Variants in DIAPH3 observed in about 807,000 individuals in gnomAD.
DIAPH3 encodes protein diaphanous homolog 3.
In DIAPH3, 117 loss-of-function variants were observed where a neutral mutation model predicts 144.3. The observed-to-expected ratio is 0.81, with a 90% confidence interval of 0.70 to 0.95. The LOEUF (loss-of-function observed/expected upper bound fraction) is 0.95, where lower values mean the gene tolerates loss of function less well. Among genes scored for constraint, DIAPH3 ranks in the 40% least tolerant of loss-of-function variants. The pLI, the probability that DIAPH3 is intolerant of heterozygous loss-of-function variation, is 0.00. For missense variants in DIAPH3, 1,421 were observed against 1,412.7 expected, an observed-to-expected ratio of 1.01 and a Z score of -0.09; for synonymous variants, 519 against 488.9, an observed-to-expected ratio of 1.06 and a Z score of -0.81.
Position 59,738,677 on chromosome 13 carries a change from T to C in DIAPH3, c.3319+35512A>G, listed in dbSNP as rs979615931. 4.7e-4 allele frequency among the ~76,000 whole-genome samples: 71 copies of C among 152,312 alleles called. 1 individual carries two copies. Among genetic ancestry groups the C allele is most frequent in the Non-Finnish European group, 8.8e-5 (6 of 68,030 alleles). ...AATCCCACTAATCCATGAAGGTATCTTTAAGTGGCACCACTTTAAAAATCT... is the reference window on the plus strand; with the variant it reads ...AATCCCACTAATCCATGAAGGTATCCTTAAGTGGCACCACTTTAAAAATCT... On this transcript the variant is annotated intron_variant, in intron 27 of 27. Transcript: ENST00000400324.
rs1250503514 is a variant in DIAPH3, at chr13:60,056,462, C to T, written c.496-13642G>A. Among the ~76,000 whole-genome samples the T allele has an allele frequency of 3.3e-5, 5 of 151,834 alleles. No homozygotes were observed. In the East Asian group the frequency reaches 9.7e-4, roughly 29 times the overall value. On this transcript the variant is annotated intron_variant, in intron 4 of 27. Coordinates refer to ENST00000400324, the MANE Select transcript of DIAPH3 (RefSeq NM_001042517.2). Reference sequence around the variant, plus strand: ...CATGTACATATACACATATCACATACATGTAAATATACACCCATATGTACT... The same window carrying T: ...CATGTACATATACACATATCACATATATGTAAATATACACCCATATGTACT...
intron 3 of DIAPH3, among the ~76,000 whole-genome samples, chr13:60,108,243 C>G (rs1176873731): frequency 6.6e-6 from 1 of 152,052 alleles, no homozygotes; most frequent in Non-Finnish European, 1.5e-5. Context: ...TTTTGAGAGG[C>G]AGGTTTAAGG....
intron 7 of DIAPH3, among the ~76,000 whole-genome samples, chr13:60,012,284 A>C (rs2053322265): frequency 6.6e-6 from 1 of 152,224 alleles, no homozygotes; most frequent in South Asian, 2.1e-4. Context: ...ACAATGGAGA[A>C]AGTATGAGGA....
At chr13:59,824,081 G>C (rs556168010) in intron 24 of DIAPH3, among the ~76,000 whole-genome samples, 2 of 151,946 alleles carry the variant, frequency 1.3e-5, no homozygotes, top group Non-Finnish European at 2.9e-5. Context: ...CAAAATTGTA[G>C]AAATACTCTA....
intron 5 of DIAPH3, among the ~76,000 whole-genome samples, chr13:60,041,910 C>A (rs1001482739): frequency 6.6e-6 from 1 of 152,048 alleles, no homozygotes; most frequent in Non-Finnish European, 1.5e-5. Flanking sequence ...TCTGAATAGA[C>A]TGAAATCTCT....
chr13:59,766,085 C>T (rs185718141), intron 27 of DIAPH3, among the ~76,000 whole-genome samples: 1 of 152,162 alleles, frequency 6.6e-6, no homozygotes, highest in South Asian at 2.1e-4. Flanking sequence ...AATATCTTAT[C>T]CTATCAGAAA....
intron 4 of DIAPH3, among the ~76,000 whole-genome samples, chr13:60,083,953 ATGGATG>A (rs2057656353): frequency 7.2e-6 from 1 of 138,460 alleles, no homozygotes; most frequent in Non-Finnish European, 1.6e-5. Context: ...GGATGGATGG[ATGGATG>A]AATAAACTAT....
chr13:60,010,894 T>C (rs890800876), intron 7 of DIAPH3, among the ~76,000 whole-genome samples: 1 of 151,618 alleles, frequency 6.6e-6, no homozygotes, highest in Non-Finnish European at 1.5e-5. Context: ...TTACCTGAGG[T>C]CGGGAGTTTG....
At chr13:60,013,354 G>T in intron 7 of DIAPH3, 1 of 279,144 alleles carries the variant, frequency 3.6e-6, no homozygotes, top group Non-Finnish European at 5.4e-6. Flanking sequence ...GACTACTAGT[G>T]CTGAGCAGCC....
chr13:59,975,232 C>A (rs953152701), intron 14 of DIAPH3, among the ~76,000 whole-genome samples: 1 of 151,858 alleles, frequency 6.6e-6, no homozygotes, highest in African/African-American at 2.4e-5. Context: ...CAAAAAAATG[C>A]AACTATCTCA....
intron 27 of DIAPH3, chr13:59,773,965 T>G: frequency 2.1e-6 from 1 of 484,910 alleles, no homozygotes; most frequent in Non-Finnish European, 3.7e-6. Context: ...TAATAAAAAA[T>G]TCACTAGAGA....
At chr13:59,798,347 C>CA (rs560552451) in intron 25 of DIAPH3, among the ~76,000 whole-genome samples, 475 of 149,362 alleles carry the variant, frequency 3.2e-3, no homozygotes, top group Non-Finnish European at 4.6e-3. Flanking sequence ...CAAAATAAAG[C>CA]AAAAAAAAAA....
intron 5 of DIAPH3, among the ~76,000 whole-genome samples, chr13:60,037,615 G>A (rs973676816): frequency 3.3e-5 from 5 of 151,838 alleles, no homozygotes; most frequent in African/African-American, 9.7e-5. Flanking sequence ...AGAAGTTAAG[G>A]AGAATAAAGA....
At chr13:59,993,941 T>G (rs1176080581) in intron 9 of DIAPH3, among the ~76,000 whole-genome samples, 2 of 151,764 alleles carry the variant, frequency 1.3e-5, no homozygotes, top group Non-Finnish European at 2.9e-5. Context: ...GTCACCTGGC[T>G]TCTAGAAAAA....
chr13:59,847,416 C>G (rs982891946), intron 22 of DIAPH3, among the ~76,000 whole-genome samples: 3 of 152,220 alleles, frequency 2.0e-5, no homozygotes, highest in South Asian at 4.2e-4. Flanking sequence ...GCTATTTCAT[C>G]CCCTGAAAGA....
At chr13:59,892,923 A>G (rs2045894802) in intron 20 of DIAPH3, among the ~76,000 whole-genome samples, 1 of 152,138 alleles carries the variant, frequency 6.6e-6, no homozygotes, top group Non-Finnish European at 1.5e-5. Flanking sequence ...AAAAAGGCAT[A>G]GCATGCAATC....
intron 1 of DIAPH3, among the ~76,000 whole-genome samples, chr13:60,143,933 T>A (rs932532606): frequency 2.0e-5 from 3 of 152,194 alleles, no homozygotes; most frequent in Non-Finnish European, 1.5e-5. Flanking sequence ...GTACTGCAGA[T>A]AAAAATTTAG....
At chr13:59,832,051 C>T (rs1203070218) in intron 24 of DIAPH3, among the ~76,000 whole-genome samples, 1 of 151,758 alleles carries the variant, frequency 6.6e-6, no homozygotes, top group Non-Finnish European at 1.5e-5. Flanking sequence ...TTTACTATTT[C>T]CACTAAGCCA....
chr13:59,859,855 A>T (rs1025504637), intron 22 of DIAPH3, among the ~76,000 whole-genome samples: 2 of 152,194 alleles, frequency 1.3e-5, no homozygotes, highest in Non-Finnish European at 2.9e-5. Context: ...AATAATTTCA[A>T]TTATTTTCCC....
Sources: allele counts gnomAD v4.1 joint callset (sites outside exome capture counted in the v4.1 genomes callset), GRCh38; gene constraint gnomAD v4.1.1; transcripts MANE v1.5; gene names NCBI Gene and HGNC (gene_info 2026-07-23, HGNC 2026-07-21).